MAGI1: variants seen among roughly 807,000 people sequenced by gnomAD.
MAGI1 encodes the protein membrane associated guanylate kinase, WW and PDZ domain containing 1.
MAGI1 carries 58 observed loss-of-function variants against 139.9 expected under a neutral mutation model. That is an observed-to-expected ratio of 0.41 (90% CI 0.34 to 0.52). MAGI1 has a LOEUF of 0.52. Among genes scored for constraint, MAGI1 ranks in the 20% least tolerant of loss-of-function variants. The pLI, the probability that MAGI1 is intolerant of heterozygous loss-of-function variation, is 0.12. For missense variants in MAGI1, 1,874 were observed against 1,901.6 expected (o/e 0.99, Z 0.27); for synonymous variants, 812 against 737.9 (o/e 1.10, Z -1.63).
intron 1 of MAGI1, among the ~76,000 whole-genome samples, chr3:65,683,052 T>G (rs2087706037): frequency 6.6e-6 from 1 of 151,994 alleles, no homozygotes; most frequent in South Asian, 2.1e-4. Context: ...TTTATGAGAA[T>G]CTAATGCCAA....
At chr3:65,698,574 T>C (rs9681546) in intron 1 of MAGI1, among the ~76,000 whole-genome samples, 65,249 of 151,622 alleles carry the variant, frequency 0.43, 14,700 homozygotes, top group African/African-American at 0.57. Context: ...TAACGCTGCA[T>C]ATCTACAACT....
At chr3:65,370,381 A>C (rs1413333533) in intron 18 of MAGI1, among the ~76,000 whole-genome samples, 3 of 152,190 alleles carry the variant, frequency 2.0e-5, no homozygotes, top group Non-Finnish European at 4.4e-5. Flanking sequence ...ATATCAACCA[A>C]ATTCCTGAAA....
At chr3:65,827,771 G>T (rs190936502) in intron 1 of MAGI1, among the ~76,000 whole-genome samples, 336 of 152,084 alleles carry the variant, frequency 2.2e-3, no homozygotes, top group Non-Finnish European at 3.3e-3. Flanking sequence ...TTACAGAGAG[G>T]GATATTTTTT....
chr3:65,710,674 T>C (rs760708191), intron 1 of MAGI1, among the ~76,000 whole-genome samples: 3 of 152,184 alleles, frequency 2.0e-5, no homozygotes, highest in South Asian at 2.1e-4. Flanking sequence ...ACAATGCAGA[T>C]AGATACAGTG....
intron 3 of MAGI1, among the ~76,000 whole-genome samples, chr3:65,486,139 A>G (rs148241313): frequency 7.0e-4 from 106 of 152,216 alleles, no homozygotes; most frequent in Non-Finnish European, 1.3e-3. Context: ...TGTGTCCCCA[A>G]AAATTATACC....
intron 1 of MAGI1, among the ~76,000 whole-genome samples, chr3:65,951,504 G>A (rs1305364730): frequency 6.6e-6 from 1 of 152,154 alleles, no homozygotes; most frequent in Non-Finnish European, 1.5e-5. Context: ...CTGATTCAAA[G>A]ACAGTATGAA....
At chr3:65,971,857 G>A (rs769064202) in intron 1 of MAGI1, among the ~76,000 whole-genome samples, 3 of 152,122 alleles carry the variant, frequency 2.0e-5, no homozygotes, top group Non-Finnish European at 4.4e-5. Context: ...TTTTCCTAAG[G>A]AGCAAACTTC....
intron 1 of MAGI1, among the ~76,000 whole-genome samples, chr3:65,637,489 G>A (rs2084694294): frequency 6.6e-6 from 1 of 151,624 alleles, no homozygotes; most frequent in East Asian, 1.9e-4. Flanking sequence ...GGGAAATCAA[G>A]GCTGCAGTGA....
chr3:65,773,627 G>C (rs1032796722), intron 1 of MAGI1, among the ~76,000 whole-genome samples: 7 of 152,170 alleles, frequency 4.6e-5, no homozygotes, highest in Admixed American at 1.3e-4. Context: ...GGATTGTCTG[G>C]CTGTGATGCT....
chr3:66,019,622 A>T (rs544167207), intron 1 of MAGI1, among the ~76,000 whole-genome samples: 2 of 152,204 alleles, frequency 1.3e-5, no homozygotes, highest in Non-Finnish European at 2.9e-5. Context: ...TTGCAAAAAT[A>T]ATAATAATAA....
intron 2 of MAGI1, among the ~76,000 whole-genome samples, chr3:65,517,169 C>G (rs970134991): frequency 3.4e-4 from 52 of 152,258 alleles, no homozygotes; most frequent in African/African-American, 1.1e-3. Flanking sequence ...TTAGACTACT[C>G]CAGAAAGAAT....
intron 1 of MAGI1, among the ~76,000 whole-genome samples, chr3:66,009,708 A>T (rs1035737979): frequency 1.3e-5 from 2 of 152,146 alleles, no homozygotes; most frequent in African/African-American, 4.8e-5. Flanking sequence ...TAAAAAATGT[A>T]TATCTTTACA....
chr3:65,534,804 T>G (rs1559646832), intron 2 of MAGI1, among the ~76,000 whole-genome samples: 1 of 152,158 alleles, frequency 6.6e-6, no homozygotes, highest in Non-Finnish European at 1.5e-5. Context: ...TGTTCAGTTT[T>G]TTCATTCTTG....
Position 65,354,222 on chromosome 3 carries a change from C to T in MAGI1, c.*2156G>A, listed in dbSNP as rs540882905. On this transcript the variant is annotated 3_prime_UTR_variant, in exon 23 of 23. Coordinates refer to ENST00000402939, the MANE Select transcript of MAGI1 (RefSeq NM_001033057.2). Reference sequence around the variant, plus strand: ...ATCATTATTCAGTTGTACTCTTCCTCAGCCTTACTACAGCTCAATGTATGC... The same window carrying T: ...ATCATTATTCAGTTGTACTCTTCCTTAGCCTTACTACAGCTCAATGTATGC... The T allele has an allele frequency of 2.0e-4, 30 of 152,704 alleles. No homozygotes were observed. Among genetic ancestry groups the T allele is most frequent in the African/African-American group, 6.7e-4 (28 of 41,584 alleles). 9.5% of individuals were successfully genotyped at this position (152,704 alleles called of 1,614,324 possible).
At chr3:65,505,270 A>G (rs1343445341) in intron 2 of MAGI1, among the ~76,000 whole-genome samples, 1 of 152,186 alleles carries the variant, frequency 6.6e-6, no homozygotes, top group Admixed American at 6.5e-5. Context: ...TTAAAAGAAA[A>G]TAATTATTTT....
chr3:65,906,856 A>T (rs1217184733), intron 1 of MAGI1, among the ~76,000 whole-genome samples: 1 of 151,648 alleles, frequency 6.6e-6, no homozygotes, highest in Non-Finnish European at 1.5e-5. Flanking sequence ...ATTGCACTAC[A>T]GCCTGGGCAA....
chr3:65,777,671 G>T (rs1447506722), intron 1 of MAGI1, among the ~76,000 whole-genome samples: 22 of 148,114 alleles, frequency 1.5e-4, no homozygotes, highest in Admixed American at 4.1e-4. Context: ...AAGAAAGAAA[G>T]AAAAAGAAAA....
intron 2 of MAGI1, among the ~76,000 whole-genome samples, chr3:65,607,372 G>A (rs781689422): frequency 2.2e-4 from 33 of 151,908 alleles, no homozygotes; most frequent in Non-Finnish European, 4.6e-4. Flanking sequence ...AGTAAAGGCA[G>A]GCAATGCTTC....
At chr3:65,372,875 G>C in intron 18 of MAGI1, among the ~76,000 whole-genome samples, 1 of 152,162 alleles carries the variant, frequency 6.6e-6, no homozygotes, top group East Asian at 1.9e-4. Context: ...ACTGAATTGA[G>C]GAGTTAGGAA....
Sources: allele counts gnomAD v4.1 joint callset (sites outside exome capture counted in the v4.1 genomes callset), GRCh38; gene constraint gnomAD v4.1.1; transcripts MANE v1.5; gene names NCBI Gene and HGNC (gene_info 2026-07-23, HGNC 2026-07-21).